CCSER1: variants seen among roughly 807,000 people sequenced by gnomAD.
CCSER1 encodes coiled-coil serine rich protein 1.
In CCSER1, 41 loss-of-function variants were observed where a neutral mutation model predicts 82.0. The observed-to-expected ratio is 0.50, with a 90% CI of 0.39 to 0.65. The LOEUF (loss-of-function observed/expected upper bound fraction) is 0.65. Ranked by LOEUF, CCSER1 falls within the 30% of genes least tolerant of loss-of-function variation. The pLI is 0.00. For missense variants in CCSER1, 1,119 were observed against 1,064.2 expected, an observed-to-expected ratio of 1.05 and a Z score of -0.72; for synonymous variants, 414 against 383.9, an observed-to-expected ratio of 1.08 and a Z score of -0.92.
intron 10 of CCSER1, among the ~76,000 whole-genome samples, chr4:91,370,588 C>T (rs1749965887): frequency 6.6e-6 from 1 of 151,782 alleles, no homozygotes; most frequent in Non-Finnish European, 1.5e-5. Context: ...CCCAGATACT[C>T]AGGAGGCTGA....
intron 9 of CCSER1, among the ~76,000 whole-genome samples, chr4:90,937,952 G>A (rs1205467812): frequency 6.6e-6 from 1 of 151,920 alleles, no homozygotes; most frequent in Non-Finnish European, 1.5e-5. Context: ...TACCATCTTT[G>A]TAGTATGGCT....
chr4:91,506,477 T>C (rs762258352), intron 10 of CCSER1, among the ~76,000 whole-genome samples: 6 of 152,160 alleles, frequency 3.9e-5, no homozygotes, highest in Admixed American at 1.3e-4. Context: ...TTTTTTCTAA[T>C]TATGTGAAGA....
chr4:90,891,309 T>C (rs1722936017), intron 8 of CCSER1, among the ~76,000 whole-genome samples: 1 of 151,756 alleles, frequency 6.6e-6, no homozygotes, highest in Non-Finnish European at 1.5e-5. Flanking sequence ...TAATCAAATA[T>C]ATTTATATAA....
chr4:91,165,643 G>T (rs550417342), intron 10 of CCSER1, among the ~76,000 whole-genome samples: 1 of 152,186 alleles, frequency 6.6e-6, no homozygotes, highest in Non-Finnish European at 1.5e-5. Context: ...AATGGCAGAC[G>T]CCCCTCCCCC....
intron 10 of CCSER1, among the ~76,000 whole-genome samples, chr4:91,542,082 T>A (rs1761629112): frequency 6.6e-6 from 1 of 152,194 alleles, no homozygotes; most frequent in African/African-American, 2.4e-5. Flanking sequence ...GTTGTTTGAT[T>A]TTTTCTTGTA....
chr4:91,594,428 TACATATAC>T (rs1764449706), intron 10 of CCSER1, among the ~76,000 whole-genome samples: 1 of 146,964 alleles, frequency 6.8e-6, no homozygotes, highest in Non-Finnish European at 1.5e-5. Flanking sequence ...TATACATATA[TACATATAC>T]ACACATATAT....
In CCSER1 at chr4:91,139,472, G is replaced by A. The variant is rs190784862; in HGVS notation, c.2217+53478G>A. On this transcript the variant is annotated intron_variant, in intron 10 of 10. Coordinates refer to ENST00000509176, the MANE Select transcript of CCSER1 (RefSeq NM_001145065.2). Reference sequence around the variant, plus strand: ...GCTTTATTATTTCTAAGTGCGCTGCGATTTGCATTTTTCTCTTAGCAGATA... The same window carrying A: ...GCTTTATTATTTCTAAGTGCGCTGCAATTTGCATTTTTCTCTTAGCAGATA... 1.2e-3 allele frequency among the ~76,000 whole-genome samples: 176 copies of A among 152,144 alleles called. 1 individual carries two copies. The highest frequency in any genetic ancestry group is 3.7e-3 in the African/African-American group (153 of 41,516).
intron 10 of CCSER1, among the ~76,000 whole-genome samples, chr4:91,355,829 G>T (rs561581723): frequency 1.3e-5 from 2 of 152,226 alleles, no homozygotes; most frequent in East Asian, 3.9e-4. Flanking sequence ...CTCAGAGGTT[G>T]GGCCTACTAG....
intron 5 of CCSER1, among the ~76,000 whole-genome samples, chr4:90,592,009 A>G (rs556865836): frequency 5.3e-5 from 8 of 152,120 alleles, no homozygotes; most frequent in African/African-American, 1.2e-4. Flanking sequence ...ACAGGGAGGG[A>G]AACATTACAC....
intron 10 of CCSER1, among the ~76,000 whole-genome samples, chr4:91,266,342 T>C (rs1321462853): frequency 6.6e-6 from 1 of 151,774 alleles, no homozygotes; most frequent in Non-Finnish European, 1.5e-5. Context: ...AAGCTCCGCC[T>C]CCTGGGTTCA....
At chr4:90,749,077 G>A (rs1388244733) in intron 7 of CCSER1, among the ~76,000 whole-genome samples, 84 of 151,668 alleles carry the variant, frequency 5.5e-4, no homozygotes, top group East Asian at 1.6e-3. Flanking sequence ...TTTTGTTGCC[G>A]TTGCTTTTGG....
intron 10 of CCSER1, among the ~76,000 whole-genome samples, chr4:91,155,214 C>G (rs895598427): frequency 1.3e-5 from 2 of 151,650 alleles, no homozygotes; most frequent in Admixed American, 6.6e-5. Flanking sequence ...ATGGGAGGGA[C>G]CTGCTAGGAG....
chr4:91,085,578 G>T (rs550916340), intron 9 of CCSER1, among the ~76,000 whole-genome samples: 1 of 152,052 alleles, frequency 6.6e-6, no homozygotes, highest in Admixed American at 6.6e-5. Context: ...TTGTTTGGGC[G>T]CTGAGATCTG....
At chr4:90,973,124 C>G (rs369868598) in intron 9 of CCSER1, among the ~76,000 whole-genome samples, 2 of 151,432 alleles carry the variant, frequency 1.3e-5, no homozygotes, top group East Asian at 3.9e-4. Context: ...GGACATGACC[C>G]CTAAAGTACA....
At chr4:90,394,503 A>G (rs1751679308) in intron 3 of CCSER1, among the ~76,000 whole-genome samples, 1 of 152,178 alleles carries the variant, frequency 6.6e-6, no homozygotes, top group African/African-American at 2.4e-5. Flanking sequence ...TATGTAATTT[A>G]CTAATCTTTT....
intron 10 of CCSER1, among the ~76,000 whole-genome samples, chr4:91,444,001 G>A (rs1279035196): frequency 1.3e-5 from 2 of 151,860 alleles, no homozygotes; most frequent in African/African-American, 4.8e-5. Flanking sequence ...GATTTCCAAG[G>A]AGAAGAAAAC....
intron 5 of CCSER1, among the ~76,000 whole-genome samples, chr4:90,582,292 G>A (rs1487434065): frequency 6.6e-5 from 10 of 152,096 alleles, no homozygotes; most frequent in Admixed American, 2.0e-4. Flanking sequence ...GCTTTTCCTG[G>A]GAATGTGCAG....
At position 90,918,634 on chromosome 4, in the gene CCSER1, G is replaced by GATATATATATAT. The variant is rs1363853552; in HGVS notation, c.2095-4735_2095-4734insTATATATATATA. 2.9e-3 allele frequency among the ~76,000 whole-genome samples: 428 copies of GATATATATATAT among 148,924 alleles called. 4 individuals are homozygous for GATATATATATAT. The highest frequency in any genetic ancestry group is 7.9e-3 in the Admixed American group (117 of 14,748). On this transcript the variant is annotated intron_variant, in intron 8 of 10. Coordinates refer to ENST00000509176, the MANE Select transcript of CCSER1 (RefSeq NM_001145065.2). ...TATTATGTCTTTCATGCTCATTCAA[G>GATATATATATAT]AGAGATATATATATATATATTAGTA...
At chr4:90,605,100 CA>C (rs1784510899) in intron 5 of CCSER1, among the ~76,000 whole-genome samples, 1 of 152,190 alleles carries the variant, frequency 6.6e-6, no homozygotes, top group Admixed American at 6.5e-5. Context: ...CTGTAATGTT[CA>C]CCATGATGGT....
Sources: allele counts gnomAD v4.1 joint callset (sites outside exome capture counted in the v4.1 genomes callset), GRCh38; gene constraint gnomAD v4.1.1; transcripts MANE v1.5; gene names NCBI Gene and HGNC (gene_info 2026-07-23, HGNC 2026-07-21).